B3GALT1: variants seen among roughly 807,000 people sequenced by gnomAD.
B3GALT1 encodes beta-1,3-galactosyltransferase 1.
A neutral mutation model predicts 23.2 loss-of-function variants in B3GALT1; 10 were observed. The observed-to-expected ratio is 0.43, with a 90% CI of 0.27 to 0.73. The LOEUF is 0.73. Among genes scored for constraint, B3GALT1 ranks in the 30% least tolerant of loss-of-function variants. The pLI, the probability that B3GALT1 is intolerant of heterozygous loss-of-function variation, is 0.21. For synonymous variants in B3GALT1, 156 were observed against 141.5 expected (o/e 1.10, Z -0.73); for missense variants, 299 against 405.4 (o/e 0.74, Z 2.25).
At chr2:167,676,344 G>A (rs1171939145) in intron 3 of B3GALT1, among the ~76,000 whole-genome samples, 1 of 152,100 alleles carries the variant, frequency 6.6e-6, no homozygotes, top group Non-Finnish European at 1.5e-5. Flanking sequence ...TTTCAGAGAA[G>A]CAGAAAGTAC....
intron 3 of B3GALT1, among the ~76,000 whole-genome samples, chr2:167,667,712 C>T (rs575105778): frequency 3.9e-5 from 6 of 152,198 alleles, no homozygotes; most frequent in African/African-American, 1.4e-4. Flanking sequence ...CATCTTCCAT[C>T]GCTGATGCCC....
At chr2:167,556,288 G>A (rs1227131) in intron 2 of B3GALT1, among the ~76,000 whole-genome samples, 74,722 of 151,852 alleles carry the variant, frequency 0.49, 21,153 homozygotes, top group East Asian at 0.99. Context: ...AAAACTGAGC[G>A]CAAATGAGGC....
chr2:167,750,994 G>A (rs936121701), intron 3 of B3GALT1, among the ~76,000 whole-genome samples: 1 of 152,138 alleles, frequency 6.6e-6, no homozygotes, highest in African/African-American at 2.4e-5. Context: ...GGCTTTGTGA[G>A]CCATACAGTC....
intron 1 of B3GALT1, among the ~76,000 whole-genome samples, chr2:167,322,417 T>A (rs113383252): frequency 0.015 from 2,234 of 151,994 alleles, 56 homozygotes; most frequent in East Asian, 0.082. Flanking sequence ...TGTAACATTT[T>A]AAAAAATTAA....
intron 2 of B3GALT1, among the ~76,000 whole-genome samples, chr2:167,508,352 G>A (rs1699954284): frequency 1.3e-5 from 2 of 149,394 alleles, no homozygotes; most frequent in Admixed American, 6.7e-5. Flanking sequence ...TCTGCCTCCC[G>A]GATTCACACC....
At chr2:167,604,537 A>G (rs756214919) in intron 2 of B3GALT1, among the ~76,000 whole-genome samples, 3 of 152,194 alleles carry the variant, frequency 2.0e-5, no homozygotes, top group Admixed American at 6.5e-5. Context: ...GTAACCTGCA[A>G]TACCGTATCT....
chr2:167,767,382 T>C (rs1206300043), intron 3 of B3GALT1, among the ~76,000 whole-genome samples: 1 of 152,202 alleles, frequency 6.6e-6, no homozygotes, highest in Non-Finnish European at 1.5e-5. Flanking sequence ...TTTTGTAAAG[T>C]ATCAATGATT....
intron 1 of B3GALT1, among the ~76,000 whole-genome samples, chr2:167,302,948 G>A (rs961229883): frequency 6.6e-6 from 1 of 152,036 alleles, no homozygotes; most frequent in Non-Finnish European, 1.5e-5. Context: ...AGAAATAAAT[G>A]GAATTTTTCT....
chr2:167,501,769 G>C (rs1481057540), intron 2 of B3GALT1, among the ~76,000 whole-genome samples: 1 of 150,352 alleles, frequency 6.7e-6, no homozygotes, highest in Non-Finnish European at 1.5e-5. Context: ...CAACCATGGG[G>C]CTACTCTTGG....
chr2:167,347,191 C>A (rs1027680122), intron 1 of B3GALT1, among the ~76,000 whole-genome samples: 1 of 151,950 alleles, frequency 6.6e-6, no homozygotes, highest in Non-Finnish European at 1.5e-5. Flanking sequence ...TATAAAAGAG[C>A]CTCATGGACC....
chr2:167,466,617 C>T (rs865909588), intron 1 of B3GALT1, among the ~76,000 whole-genome samples: 1 of 52,408 alleles, frequency 1.9e-5, no homozygotes, highest in African/African-American at 8.2e-5. Context: ...AAGACTCTGT[C>T]AAAAAAAAAA....
intron 2 of B3GALT1, among the ~76,000 whole-genome samples, chr2:167,538,610 G>A (rs905167799): frequency 7.2e-5 from 11 of 152,052 alleles, no homozygotes; most frequent in South Asian, 2.1e-4. Context: ...GTGGAGCAGC[G>A]TACATTACTC....
At chr2:167,485,523 G>T (rs752547221) in intron 1 of B3GALT1, among the ~76,000 whole-genome samples, 2 of 152,084 alleles carry the variant, frequency 1.3e-5, no homozygotes, top group Non-Finnish European at 2.9e-5. Flanking sequence ...ATTTCATAGT[G>T]CTATGTATAC....
chr2:167,389,460 G>C (rs1697982299), intron 1 of B3GALT1, among the ~76,000 whole-genome samples: 1 of 152,154 alleles, frequency 6.6e-6, no homozygotes, highest in Non-Finnish European at 1.5e-5. Flanking sequence ...ACCCTAAAAA[G>C]AGTGTCTGCT....
intron 3 of B3GALT1, among the ~76,000 whole-genome samples, chr2:167,674,833 A>G (rs530481279): frequency 2.0e-4 from 30 of 152,192 alleles, no homozygotes; most frequent in Non-Finnish European, 4.1e-4. Flanking sequence ...AATGTGATGA[A>G]TAGTTGCATA....
intron 1 of B3GALT1, among the ~76,000 whole-genome samples, chr2:167,435,193 C>T (rs1698764167): frequency 6.6e-6 from 1 of 151,718 alleles, no homozygotes; most frequent in Non-Finnish European, 1.5e-5. Context: ...TTAGGCTTTA[C>T]AACAACCTTT....
At chr2:167,840,234 G>A (rs1459765511) in intron 4 of B3GALT1, among the ~76,000 whole-genome samples, 1 of 151,884 alleles carries the variant, frequency 6.6e-6, no homozygotes, top group African/African-American at 2.4e-5. Context: ...CCATCAGAGT[G>A]AACAGGCAAC....
intron 4 of B3GALT1, among the ~76,000 whole-genome samples, chr2:167,855,500 T>C (rs992171344): frequency 1.3e-5 from 2 of 152,182 alleles, no homozygotes; most frequent in Admixed American, 1.3e-4. Flanking sequence ...GACTGTCACA[T>C]ACAGAAGGTA....
intron 2 of B3GALT1, among the ~76,000 whole-genome samples, chr2:167,577,508 T>G (rs992083614): frequency 6.6e-6 from 1 of 151,892 alleles, no homozygotes; most frequent in African/African-American, 2.4e-5. Flanking sequence ...TGATATATGT[T>G]TAAGAATGAT....
Sources: gnomAD v4.1 joint callset for allele counts (sites outside exome capture counted in the v4.1 genomes callset) on GRCh38, gnomAD v4.1.1 for gene constraint, MANE v1.5 for transcripts, NCBI Gene and HGNC (gene_info 2026-07-23, HGNC 2026-07-21) for gene names.